ZSCAN1: variants seen among roughly 807,000 people sequenced by gnomAD.
ZSCAN1 encodes zinc finger and SCAN domain containing 1.
A neutral mutation model predicts 23.8 loss-of-function variants in ZSCAN1; 23 were observed. The ratio of observed to expected loss-of-function variants is 0.97; its 90% CI spans 0.70 to 1.37. ZSCAN1 has a LOEUF of 1.37. Ranked by LOEUF, ZSCAN1 falls within the 40% of genes most tolerant of loss-of-function variation. The probability of loss-of-function intolerance (pLI) is 0.00; values close to 1 mark genes in which losing one functional copy is unlikely to be tolerated. For missense variants in ZSCAN1, 575 were observed against 554.0 expected, an observed-to-expected ratio of 1.04 and a Z score of -0.38; for synonymous variants, 236 against 232.3, an observed-to-expected ratio of 1.02 and a Z score of -0.15.
chr19:58,047,128 C>T lies in ZSCAN1; in HGVS notation c.466-5362C>T, dbSNP rs1384778859. On this transcript the variant is annotated intron_variant, in intron 4 of 5. Transcript: ENST00000282326. The surrounding 1 kb of genome is among the most constrained non-coding windows in gnomAD (Gnocchi z 4.9). ...GAGGAGAATGAGGACCACATGGACT[C>T]TGCCCACACGGAGCTGGCTGCTACG... Among the ~76,000 whole-genome samples the T allele has an allele frequency of 2.0e-5, 3 of 152,226 alleles. No individual in the cohort carries two copies. Among genetic ancestry groups the T allele is most frequent in the African/African-American group, 7.2e-5 (3 of 41,462 alleles).
At chr19:58,037,176 T>C (rs2073743732) in intron 2 of ZSCAN1, among the ~76,000 whole-genome samples, 1 of 152,182 alleles carries the variant, frequency 6.6e-6, no homozygotes, top group African/African-American at 2.4e-5. Context: ...CCCACCTGGC[T>C]GCTTCCATTT....
At chr19:58,042,830 C>T (rs2073799566) in intron 4 of ZSCAN1, among the ~76,000 whole-genome samples, 1 of 152,220 alleles carries the variant, frequency 6.6e-6, no homozygotes. Flanking sequence ...GGGAAGGCTG[C>T]TGAGGTCCTC....
At position 58,047,877 on chromosome 19, in the gene ZSCAN1, G is replaced by A. The variant is rs1026055475; in HGVS notation, c.466-4613G>A. 6.6e-6 allele frequency among the ~76,000 whole-genome samples: 1 copy of A among 152,202 alleles called. No homozygotes were observed. Among genetic ancestry groups the A allele is most frequent in the Non-Finnish European group, 1.5e-5 (1 of 68,042 alleles). On this transcript the variant is annotated intron_variant, in intron 4 of 5. Coordinates refer to ENST00000282326, the MANE Select transcript of ZSCAN1 (RefSeq NM_182572.4). This position sits in a 1 kb window ranked among gnomAD's most constrained non-coding sequence, Gnocchi z 4.9. ...CCTCCCTGCACTCGGCAGCATGGTC[G>A]GGCTGGCGAGGGCGTGGGCAGGCAG...
In ZSCAN1 at chr19:58,045,444, G is replaced by T; in HGVS notation, c.465+4900G>T. 3.5e-6 allele frequency: 4 copies of T among 1,143,464 alleles called. No individual in the cohort carries two copies. The highest frequency in any genetic ancestry group is 2.4e-5 in the South Asian group (2 of 81,650). 70.8% of individuals were successfully genotyped at this position (1,143,464 alleles called of 1,614,324 possible). A position where few individuals can be genotyped will look rare whatever the true frequency, so the allele number is the denominator to read the frequency against. ...GGGCAGTGCCACCAAAGACTTCTCT[G>T]TGTTTTTCCAGAAGATCCGGGAGAC... On this transcript the variant is annotated intron_variant, in intron 4 of 5. Transcript: ENST00000282326. This position sits in a 1 kb window ranked among gnomAD's most constrained non-coding sequence, Gnocchi z 4.3.
chr19:58,047,463 G>A lies in ZSCAN1; in HGVS notation c.466-5027G>A, dbSNP rs1017927749. The stretch of plus-strand genomic sequence containing the variant: ...GATTGGCACAGAGTTTTCCCACGCT[G>A]GTCGGCCTGCCCCAAGAGCCATCTC... On this transcript the variant is annotated intron_variant, in intron 4 of 5. Coordinates refer to ENST00000282326, the MANE Select transcript of ZSCAN1 (RefSeq NM_182572.4). The surrounding 1 kb of genome is among the most constrained non-coding windows in gnomAD (Gnocchi z 4.9). Among the ~76,000 whole-genome samples the A allele has an allele frequency of 6.6e-6, 1 of 152,184 alleles. No homozygotes were observed. The highest frequency in any genetic ancestry group is 2.4e-5 in the African/African-American group (1 of 41,442).
chr19:58,056,265 C>T (rs1311522643), downstream of ZSCAN1, among the ~76,000 whole-genome samples: 2 of 152,244 alleles, frequency 1.3e-5, no homozygotes, highest in Admixed American at 6.5e-5. Context: ...GCCCTGCTGC[C>T]TCCACAGCCC....
In ZSCAN1 at chr19:58,052,674, G is replaced by A. The variant is rs754557044; in HGVS notation, c.604+46G>A. On this transcript the variant is annotated intron_variant, in intron 5 of 5. Transcript: ENST00000282326. ...GATTAAGGGTTGGAAATGGAGTTTG[G>A]GACTTCAACCCAAAGCCACAGACTT... The A allele has an allele frequency of 2.0e-6, 3 of 1,533,174 alleles. No individual in the cohort carries two copies. In the South Asian group the frequency reaches 3.8e-5, roughly 20 times the overall value. The allele number at this position is 1,533,174 out of a possible 1,614,324, so 95.0% of individuals were successfully genotyped here. A position where few individuals can be genotyped will look rare whatever the true frequency, so the allele number is the denominator to read the frequency against.
At position 58,034,065 on chromosome 19, in the gene ZSCAN1, G is replaced by C. The variant is rs620297; in HGVS notation, c.-248G>C. The C allele has an allele frequency of 0.65, 98,083 of 151,698 alleles. 32,214 individuals are homozygous for C. Among genetic ancestry groups the C allele is most frequent in the Non-Finnish European group, 0.71 (47,987 of 67,852 alleles). 9.4% of individuals were successfully genotyped at this position (151,698 alleles called of 1,614,324 possible). A position where few individuals can be genotyped will look rare whatever the true frequency, so the allele number is the denominator to read the frequency against. On this transcript the variant is annotated 5_prime_UTR_variant, in exon 1 of 6. Transcript: ENST00000282326. ...AATGGCGGCCGCCCGCGGCGCGCAG[G>C]GTGCGGGGATGGGGTCCGCCCGCGG...
Position 58,037,900 on chromosome 19 carries a change from C to T in ZSCAN1, c.64C>T (p.Gln22Ter). ...CCCCCAGACCCCAACCCCGAGTGAG[C>T]AGGACGCAGACCCTGGGCCAGCAAG... ...RRPQTPTPSE[Q>*]DADPGPASPR... is the part of the protein sequence containing the mutation. Residue 22 changes from glutamine (Q) to a stop codon, truncating the protein, a stop_gained, in exon 3 of 6, where the codon CAG becomes TAG. Transcript: ENST00000282326. LOFTEE classifies it high-confidence loss of function. 1.3e-6 allele frequency: 2 copies of T among 1,588,800 alleles called. No homozygotes were observed. Among genetic ancestry groups the T allele is most frequent in the Non-Finnish European group, 1.7e-6 (2 of 1,172,256 alleles).
intron 4 of ZSCAN1, chr19:58,046,573 C>T: frequency 1.2e-6 from 1 of 844,398 alleles, no homozygotes; most frequent in Non-Finnish European, 2.1e-6. Context: ...GCTCACCAGC[C>T]TGGCCGCAGC....
At chr19:58,043,005 G>A (rs1415194605) in intron 4 of ZSCAN1, among the ~76,000 whole-genome samples, 5 of 152,272 alleles carry the variant, frequency 3.3e-5, no homozygotes, top group African/African-American at 9.6e-5. Flanking sequence ...TGGAGAGACG[G>A]CAGCTCCGGG....
chr19:58,039,754 G>T (rs1041786109), intron 3 of ZSCAN1, among the ~76,000 whole-genome samples: 1 of 125,494 alleles, frequency 8.0e-6, no homozygotes, highest in African/African-American at 3.0e-5. Context: ...CTGGGCGACA[G>T]AGCGAGACTC....
Position 58,053,510 on chromosome 19 carries a change from G to C in ZSCAN1, c.686G>C (p.Arg229Pro). Residue 229 changes from arginine (R) to proline (P), a missense_variant, in exon 6 of 6, where the codon CGG becomes CCG. Physicochemically the swap from Arg to Pro is moderately radical, Grantham distance 103. Transcript: ENST00000282326. The surrounding 1 kb of genome is among the most constrained non-coding windows in gnomAD (Gnocchi z 5.8). Reference protein sequence around the residue: ...DLLAGPSSDLRAEGTVISSPK... With the variant: ...DLLAGPSSDLPAEGTVISSPK... ...CTCGCAGGGCCCTCCTCAGACCTGCGGGCAGAAGGGACTGTGATCTCGAGC... is the reference window on the plus strand; with the variant it reads ...CTCGCAGGGCCCTCCTCAGACCTGCCGGCAGAAGGGACTGTGATCTCGAGC... 1 of 1,614,106 alleles carries C rather than the reference G, an allele frequency of 6.2e-7. No homozygotes were observed. The highest frequency in any genetic ancestry group is 8.5e-7 in the Non-Finnish European group (1 of 1,180,028).
intron 2 of ZSCAN1, among the ~76,000 whole-genome samples, chr19:58,036,384 A>G (rs541432726): frequency 2.0e-5 from 3 of 152,304 alleles, no homozygotes; most frequent in East Asian, 3.9e-4. Flanking sequence ...CCAGAGTACA[A>G]TTGTTAAAGA....
intron 3 of ZSCAN1, among the ~76,000 whole-genome samples, chr19:58,039,440 G>A (rs1016482541): frequency 6.6e-6 from 1 of 152,154 alleles, no homozygotes; most frequent in Non-Finnish European, 1.5e-5. Context: ...CTATGAAACA[G>A]TAGAGCAAGT....
intron 4 of ZSCAN1, among the ~76,000 whole-genome samples, chr19:58,043,060 G>A (rs769515470): frequency 2.6e-5 from 4 of 152,248 alleles, no homozygotes; most frequent in Non-Finnish European, 4.4e-5. Flanking sequence ...CCGCTGCCAG[G>A]GTGCTAACAC....
Position 58,054,348 on chromosome 19 carries a change from C to A in ZSCAN1, c.*297C>A. 3.2e-6 allele frequency: 1 copy of A among 316,366 alleles called. No individual in the cohort carries two copies. Among genetic ancestry groups the A allele is most frequent in the Non-Finnish European group, 5.8e-6 (1 of 172,274 alleles). The allele number at this position is 316,366 out of a possible 1,614,324, so 19.6% of individuals were successfully genotyped here. ...GGAGTTTCATTCGCGTCCCATCTTT[C>A]AGAAGCCTTGTCCAGGTCTCCCTGT... On this transcript the variant is annotated 3_prime_UTR_variant, in exon 6 of 6. Coordinates refer to ENST00000282326, the MANE Select transcript of ZSCAN1 (RefSeq NM_182572.4). The surrounding 1 kb of genome is among the most constrained non-coding windows in gnomAD (Gnocchi z 4.2).
intron 3 of ZSCAN1, 47 bp downstream of exon 3, chr19:58,038,253 C>A: frequency 6.4e-7 from 1 of 1,557,512 alleles, no homozygotes; most frequent in South Asian, 1.2e-5. Context: ...GGGGGCCTGA[C>A]GTCTCCGAGG....
In ZSCAN1 at chr19:58,040,352, A is replaced by G. The variant is rs766904817; in HGVS notation, c.371-98A>G. On this transcript the variant is annotated intron_variant, in intron 3 of 5. Transcript: ENST00000282326. The surrounding 1 kb of genome is among the most constrained non-coding windows in gnomAD (Gnocchi z 5.8). ...CTTGCCTGCGCCTCAGGGGTGCTGCAGGGATGTTCGGGGAAAGTCTGCCCT... is the reference window on the plus strand; with the variant it reads ...CTTGCCTGCGCCTCAGGGGTGCTGCGGGGATGTTCGGGGAAAGTCTGCCCT... 7.8e-7 allele frequency: 1 copy of G among 1,276,144 alleles called. No individual in the cohort carries two copies. Among genetic ancestry groups the G allele is most frequent in the Non-Finnish European group, 1.1e-6 (1 of 886,580 alleles). The allele number at this position is 1,276,144 out of a possible 1,614,324, so 79.1% of individuals were successfully genotyped here. A position where few individuals can be genotyped will look rare whatever the true frequency, so the allele number is the denominator to read the frequency against.
Sources: allele counts gnomAD v4.1 joint callset (sites outside exome capture counted in the v4.1 genomes callset), GRCh38; gene constraint gnomAD v4.1.1; non-coding constraint Gnocchi (gnomAD v3.1); transcripts MANE v1.5; gene names NCBI Gene and HGNC (gene_info 2026-07-23, HGNC 2026-07-21).